The following MYH15 variants were observed in gnomAD, a reference collection of about 807,000 sequenced individuals.
MYH15 encodes myosin-15.
A neutral mutation model predicts 240.5 loss-of-function variants in MYH15; 227 were observed. The observed-to-expected ratio is 0.94, with a 90% CI of 0.85 to 1.05. The LOEUF (loss-of-function observed/expected upper bound fraction) is 1.05, where lower values mean the gene tolerates loss of function less well. Ranked by LOEUF, MYH15 falls within the 50% of genes least tolerant of loss-of-function variation. The pLI is 0.00. For missense variants in MYH15, 2,217 were observed against 2,247.5 expected, an observed-to-expected ratio of 0.99 and a Z score of 0.27; for synonymous variants, 785 against 796.7, an observed-to-expected ratio of 0.99 and a Z score of 0.25.
At chr3:108,411,486 C>T (rs2107548546) in intron 30 of MYH15, among the ~76,000 whole-genome samples, 1 of 152,302 alleles carries the variant, frequency 6.6e-6, no homozygotes, top group Non-Finnish European at 1.5e-5. Flanking sequence ...GATTTATATT[C>T]CCAAACCCAT....
intron 21 of MYH15, among the ~76,000 whole-genome samples, chr3:108,446,190 G>A (rs950462453): frequency 6.6e-6 from 1 of 152,124 alleles, no homozygotes; most frequent in African/African-American, 2.4e-5. Flanking sequence ...CCTAACCACA[G>A]ACTGATTCTC....
intron 37 of MYH15, 127 bp from the exon 38 acceptor site, chr3:108,389,201 T>A (rs2082406053): frequency 1.5e-5 from 11 of 710,850 alleles, no homozygotes; most frequent in Non-Finnish European, 2.1e-5. Context: ...TTTTGGTGCT[T>A]AAACAGGACA....
chr3:108,399,652 C>T (rs375412539), intron 33 of MYH15, among the ~76,000 whole-genome samples: 8 of 152,056 alleles, frequency 5.3e-5, no homozygotes, highest in Non-Finnish European at 1.0e-4. Context: ...TTCAGACAGC[C>T]GTAATATTTC....
chr3:108,441,380 T>G, intron 22 of MYH15, 120 bp from the exon 23 acceptor site: 1 of 1,106,490 alleles, frequency 9.0e-7, no homozygotes, highest in South Asian at 1.5e-5. Flanking sequence ...CACTTTCACC[T>G]ACCTTTCCTA....
rs377049870 is a variant in MYH15, at chr3:108,383,733, T to TAAAAAC, written c.5632-5_5632-4insGTTTTT. ...GGTATTGATTGGCTTGTGTTTCCTA[T>TAAAAAC]AAAAATAAAAAAAAAAAAAAAGAAA... On this transcript the variant is annotated splice_region_variant and splice_polypyrimidine_tract_variant and intron_variant, in intron 39 of 40. Transcript: ENST00000693548. The TAAAAAC allele has an allele frequency of 6.4e-6, 7 of 1,094,484 alleles. No individual in the cohort carries two copies. The highest frequency in any genetic ancestry group is 5.1e-5 in the South Asian group (2 of 39,454). The allele number at this position is 1,094,484 out of a possible 1,614,324, so 67.8% of individuals were successfully genotyped here. A position where few individuals can be genotyped will look rare whatever the true frequency, so the allele number is the denominator to read the frequency against.
At chr3:108,438,865 G>GGTGGGTGT in intron 24 of MYH15, among the ~76,000 whole-genome samples, 1 of 152,052 alleles carries the variant, frequency 6.6e-6, no homozygotes, top group East Asian at 1.9e-4. Context: ...TAAGTGTGTG[G>GGTGGGTGT]GTGGGTGTGT....
intron 11 of MYH15, among the ~76,000 whole-genome samples, chr3:108,478,097 A>G (rs1477195718): frequency 6.6e-6 from 1 of 152,066 alleles, no homozygotes; most frequent in Non-Finnish European, 1.5e-5. Context: ...TCACTAAAGA[A>G]AAAAAAAGCT....
At chr3:108,520,746 C>A (rs970980588) in intron 1 of MYH15, among the ~76,000 whole-genome samples, 4 of 152,144 alleles carry the variant, frequency 2.6e-5, no homozygotes, top group African/African-American at 9.7e-5. Flanking sequence ...GCTATCTCTC[C>A]AGTGATTTGG....
At chr3:108,521,070 TTATAATA>T (rs1170893456) in intron 1 of MYH15, among the ~76,000 whole-genome samples, 1 of 152,074 alleles carries the variant, frequency 6.6e-6, no homozygotes, top group Non-Finnish European at 1.5e-5. Context: ...CTTGTAATAA[TTATAATA>T]TATAATTTTT....
At chr3:108,414,082 A>T in intron 30 of MYH15, 150 bp downstream of exon 30, 2 of 681,610 alleles carry the variant, frequency 2.9e-6, no homozygotes, top group Non-Finnish European at 2.5e-6. Flanking sequence ...TCTTACCAGC[A>T]GTGCACGTTT....
At chr3:108,390,357 CTGAG>C (rs1168306226) in intron 37 of MYH15, among the ~76,000 whole-genome samples, 1 of 152,144 alleles carries the variant, frequency 6.6e-6, no homozygotes, top group Admixed American at 6.5e-5. Context: ...GTCGTTGCTA[CTGAG>C]TTATCACTGG....
At chr3:108,538,597 G>A in the MYH15 span, among the ~76,000 whole-genome samples, 3 of 152,160 alleles carry the variant, frequency 2.0e-5, no homozygotes, top group Non-Finnish European at 4.4e-5. Flanking sequence ...GGTCCTAGCT[G>A]CTGTAATGAA....
chr3:108,509,575 T>C (rs1292472437), intron 1 of MYH15, among the ~76,000 whole-genome samples: 1 of 152,186 alleles, frequency 6.6e-6, no homozygotes, highest in East Asian at 1.9e-4. Flanking sequence ...TGAATTATAA[T>C]TGGTCATATT....
intron 34 of MYH15, 104 bp from the exon 35 acceptor site, chr3:108,398,944 C>T: frequency 1.4e-6 from 2 of 1,440,988 alleles, no homozygotes; most frequent in Non-Finnish European, 1.9e-6. Context: ...CATAAGCATG[C>T]TCCTTCTCTC....
chr3:108,529,044 T>C (rs147071614), intron 1 of MYH15, among the ~76,000 whole-genome samples: 1 of 152,172 alleles, frequency 6.6e-6, no homozygotes, highest in African/African-American at 2.4e-5. Context: ...TGAAATCACA[T>C]GAAGTGTTTT....
At chr3:108,523,525 A>G (rs2083639821) in intron 1 of MYH15, among the ~76,000 whole-genome samples, 1 of 152,006 alleles carries the variant, frequency 6.6e-6, no homozygotes, top group Non-Finnish European at 1.5e-5. Flanking sequence ...CTGTACATAT[A>G]TAAATAACAT....
chr3:108,460,345 T>C lies in MYH15; in HGVS notation c.1887A>G (p.Lys629=). The stretch of plus-strand genomic sequence containing the variant: ...TTTGGAATGAAGCTCCTTTCTTTCG[T>C]TTCTTCTCCCCAAATGGTATAGCTA... The part of the protein sequence containing the change: ...TDSAIPFGEK[K]RKKGASFQTV... Residue 629 remains lysine, a synonymous_variant, in exon 17 of 41, where the codon AAA becomes AAG. Transcript: ENST00000693548. 6.2e-7 allele frequency: 1 copy of C among 1,601,984 alleles called. No homozygotes were observed. Among genetic ancestry groups the C allele is most frequent in the South Asian group, 1.1e-5 (1 of 88,480 alleles).
chr3:108,457,956 C>T (rs1487869913), intron 18 of MYH15, among the ~76,000 whole-genome samples: 1 of 152,130 alleles, frequency 6.6e-6, no homozygotes, highest in Admixed American at 6.5e-5. Flanking sequence ...ATTGCTTGAA[C>T]CCAGAAGGCA....
Position 108,398,794 on chromosome 3 carries a change from A to G in MYH15, c.4976T>C (p.Leu1659Pro), listed in dbSNP as rs756282159. 6.2e-7 allele frequency: 1 copy of G among 1,614,200 alleles called. No homozygotes were observed. The highest frequency in any genetic ancestry group is 2.2e-5 in the East Asian group (1 of 44,880). ...CTCAGCCACAGCCACCTGCTCCTTC[A>G]GATCACTGTTCAGTTGTGTGCTGTC... ...LDDSTQLNSD[L>P]KEQVAVAERR... The change falls in exon 35 of 41, where the codon CTG becomes CCG. Residue 1659 changes from leucine to proline, a missense_variant. Transcript: ENST00000693548.
Sources: gnomAD v4.1 joint callset for allele counts (sites outside exome capture counted in the v4.1 genomes callset) on GRCh38, gnomAD v4.1.1 for gene constraint, MANE v1.5 for transcripts, NCBI Gene and HGNC (gene_info 2026-07-23, HGNC 2026-07-21) for gene names.